The following UTRN variants were observed in gnomAD, a reference collection of about 807,000 sequenced individuals.
The protein encoded by UTRN is utrophin.
A neutral mutation model predicts 463.9 loss-of-function variants in UTRN; 283 were observed. That is an observed-to-expected ratio of 0.61 (90% CI 0.55 to 0.67). The LOEUF is 0.67. Ranked by LOEUF, UTRN falls within the 30% of genes least tolerant of loss-of-function variation. The probability of loss-of-function intolerance (pLI) is 0.00; values close to 1 mark genes in which losing one functional copy is unlikely to be tolerated. For synonymous variants in UTRN, 1,442 were observed against 1,431.5 expected (o/e 1.01, Z -0.17); for missense variants, 3,922 against 4,084.3 (o/e 0.96, Z 1.08).
chr6:144,819,579 G>A (rs1272194730), intron 65 of UTRN, among the ~76,000 whole-genome samples: 1 of 152,104 alleles, frequency 6.6e-6, no homozygotes, highest in Non-Finnish European at 1.5e-5. Context: ...TGTAGTCCCA[G>A]CTACTCAGGA....
chr6:144,690,119 GT>G (rs1783236484), intron 52 of UTRN, among the ~76,000 whole-genome samples: 1 of 108,018 alleles, frequency 9.3e-6, no homozygotes, highest in Non-Finnish European at 1.8e-5. Flanking sequence ...GTGTGTGTGT[GT>G]GTGTGTGTGT....
At chr6:144,523,262 G>T in intron 41 of UTRN, 74 bp downstream of exon 41, 1 of 1,173,000 alleles carries the variant, frequency 8.5e-7, no homozygotes, top group East Asian at 2.8e-5. Context: ...AGATCATGTG[G>T]ACACTGAGAT....
At chr6:144,431,086 G>A (rs776085632) in intron 9 of UTRN, among the ~76,000 whole-genome samples, 7 of 152,098 alleles carry the variant, frequency 4.6e-5, no homozygotes, top group Non-Finnish European at 8.8e-5. Flanking sequence ...TAAAAGTATA[G>A]TTATTATTCT....
intron 50 of UTRN, among the ~76,000 whole-genome samples, chr6:144,561,335 TAC>T (rs967211653): frequency 2.0e-5 from 3 of 148,064 alleles, no homozygotes; most frequent in Admixed American, 1.3e-4. Context: ...TGTGTGTTTA[TAC>T]ACACACATAT....
At chr6:144,293,445 T>C (rs1384752148) in intron 2 of UTRN, among the ~76,000 whole-genome samples, 1 of 152,166 alleles carries the variant, frequency 6.6e-6, no homozygotes, top group African/African-American at 2.4e-5. Context: ...TTAAAAAGGC[T>C]GATGAACCTA....
chr6:144,666,573 A>G (rs190312269), intron 51 of UTRN, among the ~76,000 whole-genome samples: 1 of 152,214 alleles, frequency 6.6e-6, no homozygotes, highest in Non-Finnish European at 1.5e-5. Flanking sequence ...AGAAATATTA[A>G]GATGATTTTC....
At chr6:144,643,925 A>G (rs9399483) in intron 51 of UTRN, among the ~76,000 whole-genome samples, 19,221 of 152,126 alleles carry the variant, frequency 0.13, 1,707 homozygotes, top group East Asian at 0.52. Flanking sequence ...TGAGTTCATG[A>G]TATTTCTGTC....
intron 61 of UTRN, among the ~76,000 whole-genome samples, chr6:144,786,761 A>G (rs1776330643): frequency 6.6e-6 from 1 of 152,140 alleles, no homozygotes; most frequent in African/African-American, 2.4e-5. Flanking sequence ...CCTAGACTAA[A>G]TCACTAATGA....
At chr6:144,325,718 G>A (rs1584287682) in intron 2 of UTRN, among the ~76,000 whole-genome samples, 1 of 152,150 alleles carries the variant, frequency 6.6e-6, no homozygotes. Flanking sequence ...TGAAATGGGA[G>A]GGGCTGCTAG....
intron 33 of UTRN, 135 bp downstream of exon 33, chr6:144,493,591 T>A: frequency 1.1e-6 from 1 of 915,502 alleles, no homozygotes; most frequent in Admixed American, 3.2e-5. Flanking sequence ...ATTATGAGAT[T>A]CATACGTGTT....
At chr6:144,464,403 C>T (rs1562440653) in intron 23 of UTRN, among the ~76,000 whole-genome samples, 1 of 151,912 alleles carries the variant, frequency 6.6e-6, no homozygotes, top group Non-Finnish European at 1.5e-5. Context: ...GGTAGTTTTT[C>T]TCTAGGTGTA....
intron 50 of UTRN, among the ~76,000 whole-genome samples, chr6:144,557,751 T>G (rs1043002508): frequency 1.3e-5 from 2 of 152,160 alleles, no homozygotes; most frequent in African/African-American, 4.8e-5. Flanking sequence ...GATCCAACAC[T>G]AGATCCCTGA....
At chr6:144,315,534 C>G (rs189036258) in intron 2 of UTRN, among the ~76,000 whole-genome samples, 15 of 152,296 alleles carry the variant, frequency 9.8e-5, no homozygotes, top group African/African-American at 3.4e-4. Context: ...CTAGAAATTG[C>G]CATTAGTTAG....
rs112095352 is a variant in UTRN at position 144,330,866 on chromosome 6, C to T, written c.79+38959C>T. ...CAATTTGACTCCATCAAAGCACATT[C>T]TCCAGCCGAGGGGTACACATCCCTT... is the stretch of plus-strand genomic sequence containing the variant. On this transcript the variant is annotated intron_variant, in intron 2 of 74. Coordinates refer to ENST00000367545, the MANE Select transcript of UTRN (RefSeq NM_007124.3). 3.2e-4 allele frequency: 312 copies of T among 985,446 alleles called. 1 individual carries two copies. The Middle Eastern group carries it at 0.012, about 38-fold the overall frequency. The allele number at this position is 985,446 out of a possible 1,614,324, so 61.0% of individuals were successfully genotyped here. A position where few individuals can be genotyped will look rare whatever the true frequency, so the allele number is the denominator to read the frequency against.
chr6:144,535,902 T>C (rs1797486730), intron 43 of UTRN, among the ~76,000 whole-genome samples: 1 of 152,142 alleles, frequency 6.6e-6, no homozygotes, highest in East Asian at 1.9e-4. Flanking sequence ...ACCCTAGTCT[T>C]CTGAGTAGTT....
At position 144,714,383 on chromosome 6, in the gene UTRN, G is replaced by A. The variant is rs140392216; in HGVS notation, c.7809+14140G>A. 2.6e-4 allele frequency among the ~76,000 whole-genome samples: 40 copies of A among 152,308 alleles called. No individual in the cohort carries two copies. The East Asian group carries it at 7.1e-3, about 27-fold the overall frequency. Reference sequence around the variant, plus strand: ...TTCTGCTTATATTCTCCAGTAAGCAGTTAACTGCTTTTTTGAAACCAAAAG... The same window carrying A: ...TTCTGCTTATATTCTCCAGTAAGCAATTAACTGCTTTTTTGAAACCAAAAG... On this transcript the variant is annotated intron_variant, in intron 53 of 74. Transcript: ENST00000367545.
intron 2 of UTRN, among the ~76,000 whole-genome samples, chr6:144,337,073 T>G (rs1776768373): frequency 6.6e-6 from 1 of 151,698 alleles, no homozygotes; most frequent in African/African-American, 2.4e-5. Flanking sequence ...CCACTTCTGT[T>G]TAGAAGCAAC....
At chr6:144,716,237 C>CTTTT (rs35485068) in intron 53 of UTRN, among the ~76,000 whole-genome samples, 1 of 141,430 alleles carries the variant, frequency 7.1e-6, no homozygotes, top group South Asian at 2.3e-4. Context: ...TAAAATATAG[C>CTTTT]TTTTTTTTTT....
In UTRN at chr6:144,554,761, G is replaced by A. The variant is rs746821829; in HGVS notation, c.7002G>A (p.Met2334Ile). 1 of 1,614,024 alleles carries A rather than the reference G, an allele frequency of 6.2e-7. No individual in the cohort carries two copies. The highest frequency in any genetic ancestry group is 8.5e-7 in the Non-Finnish European group (1 of 1,179,984). ...TAAGACAGCAGCAGCTTGAGGACAT[G>A]ATTATTGACAGTCTTCAGTGGGATG... ...VELRQQQLED[M>I]IIDSLQWDDH... Residue 2334 changes from methionine to isoleucine, a missense_variant, in exon 49 of 75, where the codon ATG becomes ATA. Physicochemically the swap from Met to Ile is conservative, Grantham distance 10. Around this residue, in one of 3 missense-constraint regions of UTRN, gnomAD observed 1,309 missense variants for 1,452.6 expected, o/e 0.90. Transcript: ENST00000367545.
Sources: gnomAD v4.1 joint callset for allele counts (sites outside exome capture counted in the v4.1 genomes callset) on GRCh38, gnomAD v4.1.1 for gene constraint, gnomAD v4.1.1 regional missense constraint, MANE v1.5 for transcripts, NCBI Gene and HGNC (gene_info 2026-07-23, HGNC 2026-07-21) for gene names.